Variants in VKORC1L1 observed in about 807,000 individuals in gnomAD.
The protein encoded by VKORC1L1 is vitamin K epoxide reductase complex subunit 1L1.
VKORC1L1 carries 2 observed loss-of-function variants against 18.9 expected under a neutral mutation model. The ratio of observed to expected loss-of-function variants is 0.11; its 90% confidence interval spans 0.04 to 0.33. The LOEUF is 0.33. Ranked by LOEUF, VKORC1L1 falls within the 10% of genes least tolerant of loss-of-function variation. The probability of loss-of-function intolerance (pLI) is 1.00; values close to 1 mark genes in which losing one functional copy is unlikely to be tolerated. For synonymous variants in VKORC1L1, 96 were observed against 100.0 expected, an observed-to-expected ratio of 0.96 and a Z score of 0.24; for missense variants, 123 against 224.1, an observed-to-expected ratio of 0.55 and a Z score of 2.88.
chr7:65,878,157 A>G (rs1788861816), intron 1 of VKORC1L1, among the ~76,000 whole-genome samples: 1 of 152,178 alleles, frequency 6.6e-6, no homozygotes, highest in South Asian at 2.1e-4. Context: ...ATTAGAATAG[A>G]ACCTAGGGCT....
chr7:65,929,309 G>A (rs1363917355), intron 1 of VKORC1L1, among the ~76,000 whole-genome samples: 1 of 152,126 alleles, frequency 6.6e-6, no homozygotes, highest in African/African-American at 2.4e-5. Context: ...CTATTCAGGA[G>A]GGTGAGGTGG....
intron 1 of VKORC1L1, among the ~76,000 whole-genome samples, chr7:65,895,465 AAAAAAAAAAAAAAAAATATAT>A (rs1193193091): frequency 2.1e-5 from 1 of 48,232 alleles, no homozygotes; most frequent in East Asian, 7.3e-4. Flanking sequence ...AAAAAAAAAA[AAAAAAAAAAAAAAAAATATAT>A]ATATATATAT....
chr7:65,883,135 GC>G (rs1311349466), intron 1 of VKORC1L1, among the ~76,000 whole-genome samples: 2 of 136,600 alleles, frequency 1.5e-5, no homozygotes, highest in African/African-American at 5.7e-5. Flanking sequence ...ATACATTTGA[GC>G]TTTTTTTTTT....
At chr7:65,953,030 C>T (rs946974142) in intron 2 of VKORC1L1, among the ~76,000 whole-genome samples, 2 of 151,980 alleles carry the variant, frequency 1.3e-5, no homozygotes, top group African/African-American at 4.8e-5. Context: ...TTCCTGACCT[C>T]AAATGATCTG....
chr7:65,920,175 T>C (rs1441252862), intron 1 of VKORC1L1, among the ~76,000 whole-genome samples: 1 of 152,132 alleles, frequency 6.6e-6, no homozygotes, highest in Admixed American at 6.5e-5. Flanking sequence ...CTTCAAATTT[T>C]GAATATAAGT....
At chr7:65,921,584 C>T (rs1789676261) in intron 1 of VKORC1L1, among the ~76,000 whole-genome samples, 1 of 152,162 alleles carries the variant, frequency 6.6e-6, no homozygotes, top group Admixed American at 6.5e-5. Flanking sequence ...CACGATGGCT[C>T]ACGCCTGCAA....
intron 1 of VKORC1L1, among the ~76,000 whole-genome samples, chr7:65,873,938 G>C (rs1444511166): frequency 1.3e-5 from 2 of 152,126 alleles, no homozygotes; most frequent in Non-Finnish European, 1.5e-5. Flanking sequence ...CCTGGTTCTC[G>C]GGAGGCGGGC....
At chr7:65,877,936 A>C (rs970876853) in intron 1 of VKORC1L1, among the ~76,000 whole-genome samples, 2 of 152,098 alleles carry the variant, frequency 1.3e-5, no homozygotes, top group African/African-American at 4.8e-5. Context: ...CCATATATGC[A>C]GGTTTCGGTC....
chr7:65,901,541 G>C (rs891090471), intron 1 of VKORC1L1, among the ~76,000 whole-genome samples: 1 of 152,152 alleles, frequency 6.6e-6, no homozygotes, highest in Non-Finnish European at 1.5e-5. Flanking sequence ...CTGAAAGCTG[G>C]GAAACAAACC....
intron 1 of VKORC1L1, among the ~76,000 whole-genome samples, chr7:65,909,621 C>A (rs1305247180): frequency 1.3e-5 from 2 of 149,982 alleles, no homozygotes; most frequent in Non-Finnish European, 3.0e-5. Context: ...TGTTCTGTTT[C>A]ATTTATAAGG....
rs1028369345 is a variant in VKORC1L1 at position 65,935,459 on chromosome 7, G to A, written c.195-13212G>A. ...CGAGTAGCTGGAATTACAGACGCAC[G>A]CCACCACGCTCATCTAATTTTTGTA... On this transcript the variant is annotated intron_variant, in intron 1 of 2. Coordinates refer to ENST00000360768, the MANE Select transcript of VKORC1L1 (RefSeq NM_173517.6). Among the ~76,000 whole-genome samples, 13 of 151,896 alleles carry A rather than the reference G, an allele frequency of 8.6e-5. 1 individual carries two copies. The South Asian group carries it at 1.2e-3, about 15-fold the overall frequency.
At position 65,917,856 on chromosome 7, in the gene VKORC1L1, C is replaced by T. The variant is rs552859221; in HGVS notation, c.195-30815C>T. On this transcript the variant is annotated intron_variant, in intron 1 of 2. Transcript: ENST00000360768. ...TTCTCTGAATTTTAATGAACATGTA[C>T]GCCTAAGTAAGCCAAAACTCTGTCA... Among the ~76,000 whole-genome samples, 310 of 152,232 alleles carry T rather than the reference C, an allele frequency of 2.0e-3. 2 individuals are homozygous for T. Among genetic ancestry groups the T allele is most frequent in the Middle Eastern group, 6.8e-3 (2 of 294 alleles).
At chr7:65,891,685 A>T (rs1789113442) in intron 1 of VKORC1L1, among the ~76,000 whole-genome samples, 1 of 152,164 alleles carries the variant, frequency 6.6e-6, no homozygotes, top group Non-Finnish European at 1.5e-5. Flanking sequence ...TTATGGATAC[A>T]TAATAGCCAT....
At chr7:65,905,528 C>G (rs1789392334) in intron 1 of VKORC1L1, among the ~76,000 whole-genome samples, 1 of 152,078 alleles carries the variant, frequency 6.6e-6, no homozygotes, top group South Asian at 2.1e-4. Context: ...CCAGGATGGT[C>G]TCAATCTCCT....
chr7:65,929,379 T>C (rs2115656801), intron 1 of VKORC1L1, among the ~76,000 whole-genome samples: 1 of 152,262 alleles, frequency 6.6e-6, no homozygotes, highest in East Asian at 1.9e-4. Context: ...GCCACTGCAC[T>C]GTAGCCTGGG....
At position 65,956,552 on chromosome 7, in the gene VKORC1L1, C is replaced by T. The variant is rs1790298200; in HGVS notation, c.*2252C>T. On this transcript the variant is annotated 3_prime_UTR_variant, in exon 3 of 3. Transcript: ENST00000360768. ...AACCACTGTTTCAGTTGTATAAAAA[C>T]TTTTGCCACATTCCTATGGCCCAGT... is the stretch of plus-strand genomic sequence containing the variant. The T allele has an allele frequency of 2.6e-5, 4 of 152,196 alleles. No individual in the cohort carries two copies. Among genetic ancestry groups the T allele is most frequent in the Admixed American group, 2.6e-4 (4 of 15,274 alleles). The allele number at this position is 152,196 out of a possible 1,614,324, so 9.4% of individuals were successfully genotyped here.
At chr7:65,931,918 G>A (rs897737326) in intron 1 of VKORC1L1, among the ~76,000 whole-genome samples, 5 of 152,032 alleles carry the variant, frequency 3.3e-5, no homozygotes, top group Non-Finnish European at 7.4e-5. Context: ...TGGAATTGCA[G>A]GCATGAGCCA....
At chr7:65,936,701 G>A (rs1789946940) in intron 1 of VKORC1L1, among the ~76,000 whole-genome samples, 1 of 152,154 alleles carries the variant, frequency 6.6e-6, no homozygotes, top group Non-Finnish European at 1.5e-5. Flanking sequence ...ACAGAATTAA[G>A]GGATTCCCTT....
chr7:65,921,791 T>A (rs1789679953), intron 1 of VKORC1L1, among the ~76,000 whole-genome samples: 1 of 150,646 alleles, frequency 6.6e-6, no homozygotes, highest in African/African-American at 2.4e-5. Context: ...GAGCTTGCAG[T>A]GAGCGGAGAT....
Sources: allele counts gnomAD v4.1 joint callset (sites outside exome capture counted in the v4.1 genomes callset), GRCh38; gene constraint gnomAD v4.1.1; transcripts MANE v1.5; gene names NCBI Gene and HGNC (gene_info 2026-07-23, HGNC 2026-07-21).